Variants in FMNL3 observed in about 807,000 individuals in gnomAD.
FMNL3 encodes formin like 3.
FMNL3 carries 57 observed loss-of-function variants against 119.6 expected under a neutral mutation model. The observed-to-expected ratio is 0.48, with a 90% confidence interval of 0.39 to 0.59. The LOEUF is 0.59. Among genes scored for constraint, FMNL3 ranks in the 20% least tolerant of loss-of-function variants. FMNL3 has a pLI of 0.00. For synonymous variants in FMNL3, 491 were observed against 507.3 expected (o/e 0.97, Z 0.43); for missense variants, 1,053 against 1,323.5 (o/e 0.80, Z 3.17).
chr12:49,694,054 T>C (rs1024257795), intron 1 of FMNL3, among the ~76,000 whole-genome samples: 1 of 151,996 alleles, frequency 6.6e-6, no homozygotes, highest in Non-Finnish European at 1.5e-5. Flanking sequence ...TCCTCAGGGA[T>C]TGGACTACAG....
Position 49,642,041 on chromosome 12 carries a change from G to C in FMNL3, c.*3774C>G, listed in dbSNP as rs757718769. The C allele has an allele frequency of 6.2e-7, 1 of 1,610,010 alleles. No individual in the cohort carries two copies. On this transcript the variant is annotated 3_prime_UTR_variant, in exon 26 of 26. Coordinates refer to ENST00000335154, the MANE Select transcript of FMNL3 (RefSeq NM_175736.5). This position sits in a 1 kb window ranked among gnomAD's most constrained non-coding sequence, Gnocchi z 5.8. ...TTCAATAGTGTGAGGGGCTGGGCGG[G>C]GCGTGGGAAGTTCTCTAATTCATCT...
chr12:49,682,203 T>G (rs2138952912), intron 1 of FMNL3, among the ~76,000 whole-genome samples: 1 of 152,068 alleles, frequency 6.6e-6, no homozygotes, highest in South Asian at 2.1e-4. Flanking sequence ...CCCAAGTAGC[T>G]GGAACTACAG....
At chr12:49,673,496 C>T (rs1283290386) in intron 1 of FMNL3, among the ~76,000 whole-genome samples, 1 of 152,260 alleles carries the variant, frequency 6.6e-6, no homozygotes, top group Non-Finnish European at 1.5e-5. Context: ...TTACTAGCTG[C>T]CAAAAGGACA....
rs1331695973 is a variant in FMNL3, at chr12:49,653,259, C to T, written c.1290G>A (p.Leu430=). ...MMRVAELEKQ[L]LQREKELESI... ...TCTCTAGTTCCTTCTCCCGCTGTAGCAGCTGCTTCTCTAGTTCTGCCACCC... is the reference window on the plus strand; with the variant it reads ...TCTCTAGTTCCTTCTCCCGCTGTAGTAGCTGCTTCTCTAGTTCTGCCACCC... The change falls in exon 13 of 26, where the codon CTG becomes CTA. Residue 430 remains leucine (L), a synonymous_variant. Coordinates refer to ENST00000335154, the MANE Select transcript of FMNL3 (RefSeq NM_175736.5). The T allele has an allele frequency of 6.2e-7, 1 of 1,614,174 alleles. No homozygotes were observed. The highest frequency in any genetic ancestry group is 1.1e-5 in the South Asian group (1 of 91,084).
chr12:49,685,884 C>T (rs1035008325), intron 1 of FMNL3, among the ~76,000 whole-genome samples: 1 of 151,886 alleles, frequency 6.6e-6, no homozygotes, highest in African/African-American at 2.4e-5. Flanking sequence ...GTGGCCAACA[C>T]GGTGAAACCC....
intron 1 of FMNL3, among the ~76,000 whole-genome samples, chr12:49,703,915 G>A (rs1944975364): frequency 6.6e-6 from 1 of 152,162 alleles, no homozygotes; most frequent in Admixed American, 6.5e-5. Flanking sequence ...TACAGCAGCA[G>A]CCATATTCCG....
At chr12:49,687,096 C>CTT (rs35284603) in intron 1 of FMNL3, among the ~76,000 whole-genome samples, 5,663 of 142,314 alleles carry the variant, frequency 0.04, 289 homozygotes, top group African/African-American at 0.11. Flanking sequence ...TTCCCCATTC[C>CTT]TTTTTTTTTT....
chr12:49,679,904 G>A (rs182762483), intron 1 of FMNL3, among the ~76,000 whole-genome samples: 1 of 152,324 alleles, frequency 6.6e-6, no homozygotes, highest in African/African-American at 2.4e-5. Context: ...TTACAAACAA[G>A]GGGGAACCTG....
At chr12:49,698,045 G>A (rs939376214) in intron 1 of FMNL3, among the ~76,000 whole-genome samples, 1 of 152,178 alleles carries the variant, frequency 6.6e-6, no homozygotes, top group Admixed American at 6.5e-5. Flanking sequence ...GCTATAGGTA[G>A]TTTTTAAAAC....
intron 1 of FMNL3, among the ~76,000 whole-genome samples, chr12:49,674,993 G>A (rs886636842): frequency 4.6e-5 from 7 of 152,092 alleles, no homozygotes; most frequent in African/African-American, 1.2e-4. Flanking sequence ...TATACCCCCG[G>A]GGCCTCTTCT....
At position 49,652,016 on chromosome 12, in the gene FMNL3, G is replaced by GCC; in HGVS notation, c.1518_1519dup (p.Ala507GlyfsTer47). 1.2e-6 allele frequency: 2 copies of GCC among 1,607,544 alleles called. No homozygotes were observed. On this transcript the variant is annotated frameshift_variant, in exon 14 of 26. Transcript: ENST00000335154. LOFTEE classifies it high-confidence loss of function. ...GACCTCCTCAGGGGGTGGGGCTGGA[G>GCC]CCAGAAGGTCCAGGTCGGAGGGTGG... is the stretch of plus-strand genomic sequence containing the variant.
intron 1 of FMNL3, among the ~76,000 whole-genome samples, chr12:49,698,113 G>A (rs1028939227): frequency 1.2e-4 from 18 of 152,160 alleles, no homozygotes; most frequent in African/African-American, 4.1e-4. Context: ...TTCTTAGAGA[G>A]GCACCGTACA....
In FMNL3 at chr12:49,707,149, G is replaced by T. The variant is rs929123325; in HGVS notation, c.32C>A (p.Pro11Gln). The change falls in exon 1 of 26, where the codon CCG (proline) becomes CAG (glutamine). Residue 11 changes from proline to glutamine, a missense_variant. Physicochemically the swap from Pro to Gln is moderately conservative, Grantham distance 76. Transcript: ENST00000335154. ...CAACGGGACAGAGGGGGGCTCTCCC[G>T]GGACCCCCTCGGCGCTCTCCAGGTT... MGNLESAEGV[P>Q]GEPPSVPLLL... 6.3e-7 allele frequency: 1 copy of T among 1,592,536 alleles called. No homozygotes were observed. The highest frequency in any genetic ancestry group is 8.5e-7 in the Non-Finnish European group (1 of 1,170,998).
intron 25 of FMNL3, among the ~76,000 whole-genome samples, chr12:49,646,485 T>C (rs1943192942): frequency 6.6e-6 from 1 of 152,134 alleles, no homozygotes; most frequent in Non-Finnish European, 1.5e-5. Context: ...GCCACACTTC[T>C]CAGAGCATGG....
At chr12:49,683,626 C>T (rs890404097) in intron 1 of FMNL3, among the ~76,000 whole-genome samples, 1 of 152,174 alleles carries the variant, frequency 6.6e-6, no homozygotes, top group Non-Finnish European at 1.5e-5. Flanking sequence ...ATCATCACCA[C>T]CACAGAGCCA....
At position 49,684,656 on chromosome 12, in the gene FMNL3, T is replaced by C. The variant is rs146465487; in HGVS notation, c.127-16102A>G. Among the ~76,000 whole-genome samples the C allele has an allele frequency of 9.1e-4, 138 of 152,266 alleles. 1 individual carries two copies. Among genetic ancestry groups the C allele is most frequent in the African/African-American group, 3.2e-3 (134 of 41,552 alleles). ...AATGCACAAGAGATTCTTAATTCTT[T>C]AGTCAGCCACCATGCCAGCAATAAT... On this transcript the variant is annotated intron_variant, in intron 1 of 25. Transcript: ENST00000335154.
intron 17 of FMNL3, 113 bp downstream of exon 17, chr12:49,650,563 G>T: frequency 2.6e-6 from 3 of 1,175,700 alleles, no homozygotes; most frequent in Non-Finnish European, 3.7e-6. Flanking sequence ...TGACTAGGGG[G>T]ATGTGAGGGA....
chr12:49,700,567 T>C (rs1310721318), intron 1 of FMNL3, among the ~76,000 whole-genome samples: 1 of 148,268 alleles, frequency 6.7e-6, no homozygotes, highest in Non-Finnish European at 1.5e-5. Flanking sequence ...CTACAAAAAT[T>C]AGCCAGGCAT....
Position 49,657,197 on chromosome 12 carries a change from A to G in FMNL3, c.606-7T>C. 1 of 1,607,234 alleles carries G rather than the reference A, an allele frequency of 6.2e-7. No homozygotes were observed. The highest frequency in any genetic ancestry group is 8.5e-7 in the Non-Finnish European group (1 of 1,174,018). ...CCCAGGGAGAGTGCTATACCTGGGG[A>G]GATGGGCCAGGCAGTCAGGTGGGAG... On this transcript the variant is annotated splice_region_variant and splice_polypyrimidine_tract_variant and intron_variant, in intron 6 of 25. Transcript: ENST00000335154.
Sources: allele counts gnomAD v4.1 joint callset (sites outside exome capture counted in the v4.1 genomes callset), GRCh38; gene constraint gnomAD v4.1.1; non-coding constraint Gnocchi (gnomAD v3.1); transcripts MANE v1.5; gene names NCBI Gene and HGNC (gene_info 2026-07-23, HGNC 2026-07-21).